Variants in CAST observed in about 807,000 individuals in gnomAD.
CAST encodes MIR583 host.
In CAST, 76 loss-of-function variants were observed where a neutral mutation model predicts 119.6. The observed-to-expected ratio is 0.64, with a 90% CI of 0.53 to 0.77. The LOEUF (loss-of-function observed/expected upper bound fraction) is 0.77. CAST is among the 30% of genes least tolerant of loss of function. The pLI is 0.00. For synonymous variants in CAST, 319 were observed against 331.6 expected (o/e 0.96, Z 0.41); for missense variants, 953 against 946.5 (o/e 1.01, Z -0.09).
At chr5:96,033,898 T>C in the CAST span, among the ~76,000 whole-genome samples, 1 of 152,178 alleles carries the variant, frequency 6.6e-6, no homozygotes, top group South Asian at 2.1e-4. Context: ...TAGCAAACTA[T>C]GTATCTGATA....
intron 1 of CAST, among the ~76,000 whole-genome samples, chr5:96,550,160 C>T (rs185344383): frequency 6.6e-4 from 101 of 152,302 alleles, no homozygotes; most frequent in Non-Finnish European, 9.3e-4. Flanking sequence ...CAGTAGGGGC[C>T]GACAGACACC....
the CAST span, among the ~76,000 whole-genome samples, chr5:96,257,806 A>G: frequency 2.6e-5 from 4 of 152,252 alleles, no homozygotes; most frequent in Non-Finnish European, 5.9e-5. Flanking sequence ...CTTACTCACT[A>G]TGGGTAAGGC....
the CAST span, among the ~76,000 whole-genome samples, chr5:96,143,511 A>T: frequency 5.9e-5 from 9 of 152,336 alleles, no homozygotes; most frequent in South Asian, 1.9e-3. Flanking sequence ...TGTCATTTTC[A>T]TGTGGGCCGA....
the CAST span, among the ~76,000 whole-genome samples, chr5:95,999,232 C>T: frequency 2.0e-5 from 3 of 152,078 alleles, no homozygotes; most frequent in Non-Finnish European, 4.4e-5. Context: ...AATTATGTGA[C>T]ATGTGTTTTT....
At chr5:96,025,769 T>C in the CAST span, among the ~76,000 whole-genome samples, 2 of 152,206 alleles carry the variant, frequency 1.3e-5, no homozygotes, top group Non-Finnish European at 2.9e-5. Flanking sequence ...CTTTGTGAAG[T>C]TACAACTGAG....
chr5:96,681,363 T>G (rs1361922217), intron 2 of CAST, among the ~76,000 whole-genome samples: 1 of 152,216 alleles, frequency 6.6e-6, no homozygotes, highest in Non-Finnish European at 1.5e-5. Context: ...CAGCCTACTT[T>G]TGACTTACTT....
the CAST span, among the ~76,000 whole-genome samples, chr5:96,035,804 G>C: frequency 6.6e-6 from 1 of 151,624 alleles, no homozygotes; most frequent in Non-Finnish European, 1.5e-5. Context: ...GCCGCTACCA[G>C]TCTGTGGATA....
Position 96,695,863 on chromosome 5 carries a change from C to A in CAST, c.166C>A (p.Gln56Lys), listed in dbSNP as rs780010534. Residue 56 changes from glutamine (Q) to lysine (K), a missense_variant, in exon 3 of 32, where the codon CAA becomes AAA. Physicochemically the swap from Gln to Lys is moderately conservative, Grantham distance 53 (BLOSUM62 1). Coordinates refer to ENST00000675179, the MANE Select transcript of CAST (RefSeq NM_001750.7). ...AAAAGCAGCAAGCCTCGGCAGCAGT[C>A]AATCCTCCAGAACCTATGCTGGTGG... ...EKKAASLGSS[Q>K]SSRTYAGGTA... is the part of the protein sequence containing the mutation. The A allele has an allele frequency of 8.1e-6, 13 of 1,613,160 alleles. No homozygotes were observed. In the South Asian group the frequency reaches 1.2e-4, roughly 15 times the overall value.
the CAST span, among the ~76,000 whole-genome samples, chr5:96,190,522 A>G: frequency 6.6e-6 from 1 of 151,782 alleles, no homozygotes; most frequent in Non-Finnish European, 1.5e-5. Context: ...CCCATACTCC[A>G]TTTCACATGT....
chr5:96,214,141 A>G, the CAST span, among the ~76,000 whole-genome samples: 5 of 152,196 alleles, frequency 3.3e-5, no homozygotes, highest in Admixed American at 3.3e-4. Context: ...AGAAGATTAA[A>G]TCTAAAAATC....
chr5:96,534,688 G>GAGGAGGGAAGGAAGGA lies in CAST; in HGVS notation c.60+4812_60+4813insGGGAAGGAAGGAAGGA, dbSNP rs764479104. Among the ~76,000 whole-genome samples, 8 of 36,910 alleles carry GAGGAGGGAAGGAAGGA rather than the reference G, an allele frequency of 2.2e-4. 3 individuals carry two copies. The East Asian group carries it at 0.016, about 72-fold the overall frequency. 24.2% of individuals were successfully genotyped at this position (36,910 alleles called of 152,430 possible). A position where few individuals can be genotyped will look rare whatever the true frequency, so the allele number is the denominator to read the frequency against. ...CATCAAAGAAAGAAAGAGAGAGAGA[G>GAGGAGGGAAGGAAGGA]AGGAAGGAAGGAAGGAAGGAAGGAA... On this transcript the variant is annotated intron_variant, in intron 1 of 11. Transcript: ENST00000505143.
the CAST span, among the ~76,000 whole-genome samples, chr5:96,221,603 TG>T: frequency 1.3e-5 from 2 of 151,948 alleles, no homozygotes; most frequent in African/African-American, 4.8e-5. Context: ...TGAAAGAAGT[TG>T]AAGAGGACAC....
At chr5:96,419,385 T>C in the CAST span, among the ~76,000 whole-genome samples, 3 of 56,022 alleles carry the variant, frequency 5.4e-5, no homozygotes, top group African/African-American at 2.6e-4. Context: ...TAATACTTAT[T>C]ATATATATAT....
the CAST span, chr5:96,393,479 G>GCGGC: frequency 7.5e-7 from 1 of 1,339,438 alleles, no homozygotes; most frequent in Non-Finnish European, 1.1e-6. Flanking sequence ...TGCCGCTTGA[G>GCGGC]AGGCAATGAG....
the CAST span, among the ~76,000 whole-genome samples, chr5:96,507,102 C>T: frequency 3.1e-4 from 47 of 152,122 alleles, no homozygotes; most frequent in East Asian, 7.5e-3. Flanking sequence ...CCAGAGCCCT[C>T]GGGGAGGATG....
intron 24 of CAST, chr5:96,761,123 C>T (rs1487315979): frequency 6.6e-6 from 1 of 152,044 alleles, no homozygotes; most frequent in Admixed American, 6.6e-5. Flanking sequence ...TTTTGTGTAG[C>T]ATTAGATGAA....
At chr5:96,384,448 G>C in the CAST span, among the ~76,000 whole-genome samples, 1 of 152,134 alleles carries the variant, frequency 6.6e-6, no homozygotes, top group Non-Finnish European at 1.5e-5. Context: ...ATCTCTTATG[G>C]ACATACGTGA....
At chr5:96,380,364 T>G in the CAST span, among the ~76,000 whole-genome samples, 1 of 152,142 alleles carries the variant, frequency 6.6e-6, no homozygotes, top group Non-Finnish European at 1.5e-5. Flanking sequence ...GCCTTTTAAG[T>G]TGGGTGATGA....
chr5:96,042,646 C>G, the CAST span, among the ~76,000 whole-genome samples: 1 of 152,100 alleles, frequency 6.6e-6, no homozygotes, highest in Non-Finnish European at 1.5e-5. Context: ...CAATGATTAT[C>G]ATAGTAAAAA....
Sources: gnomAD v4.1 joint callset for allele counts (sites outside exome capture counted in the v4.1 genomes callset) on GRCh38, gnomAD v4.1.1 for gene constraint, MANE v1.5 for transcripts, NCBI Gene and HGNC (gene_info 2026-07-23, HGNC 2026-07-21) for gene names.